Variants in RAPGEF6 observed in about 807,000 individuals in gnomAD.
RAPGEF6 encodes the protein PDZ domain containing guanine nucleotide exchange factor (GEF) 2.
A neutral mutation model predicts 171.4 loss-of-function variants in RAPGEF6; 56 were observed. The ratio of observed to expected loss-of-function variants is 0.33; its 90% CI spans 0.26 to 0.41. The LOEUF is 0.41. Among genes scored for constraint, RAPGEF6 ranks in the 10% least tolerant of loss-of-function variants. The pLI is 1.00. For missense variants in RAPGEF6, 1,674 were observed against 1,921.4 expected, an observed-to-expected ratio of 0.87 and a Z score of 2.41; for synonymous variants, 692 against 650.1, an observed-to-expected ratio of 1.06 and a Z score of -0.98.
chr5:131,581,146 G>A (rs765720609), intron 4 of RAPGEF6, among the ~76,000 whole-genome samples: 37 of 152,154 alleles, frequency 2.4e-4, no homozygotes, highest in Non-Finnish European at 4.1e-4. Flanking sequence ...CTCTTTAGCC[G>A]CAGCTGTCCT....
At position 131,511,736 on chromosome 5, in the gene RAPGEF6, T is replaced by A. The variant is rs1339434048; in HGVS notation, c.628-1245A>T. ...GGCTAGTCTTGAACTCCTGGGCTCA[T>A]GTGATCCACCCACCTTGGCCTCCCA... On this transcript the variant is annotated intron_variant, in intron 7 of 27. Coordinates refer to ENST00000509018, the MANE Select transcript of RAPGEF6 (RefSeq NM_016340.6). Among the ~76,000 whole-genome samples the A allele has an allele frequency of 2.0e-5, 3 of 152,084 alleles. No homozygotes were observed. The East Asian group carries it at 5.8e-4, about 29-fold the overall frequency.
intron 1 of RAPGEF6, among the ~76,000 whole-genome samples, chr5:131,629,396 T>G (rs577698646): frequency 3.0e-4 from 46 of 152,008 alleles, no homozygotes; most frequent in Non-Finnish European, 5.3e-4. Flanking sequence ...GAATCCAACC[T>G]TTATGAATGA....
At chr5:131,618,808 C>A (rs1232415740) in intron 1 of RAPGEF6, among the ~76,000 whole-genome samples, 2 of 151,832 alleles carry the variant, frequency 1.3e-5, no homozygotes, top group South Asian at 4.1e-4. Context: ...TAGCATTGTA[C>A]CTTTAAAACA....
At chr5:131,573,710 G>T (rs1356656411) in intron 4 of RAPGEF6, among the ~76,000 whole-genome samples, 1 of 151,956 alleles carries the variant, frequency 6.6e-6, no homozygotes, top group African/African-American at 2.4e-5. Flanking sequence ...GCTCAAAAAG[G>T]CAGCATACAA....
In RAPGEF6 at chr5:131,431,267, T is replaced by C. The variant is rs7717835; in HGVS notation, c.4057A>G (p.Ile1353Val). Residue 1353 changes from isoleucine to valine, a missense_variant, in exon 26 of 28, where the codon ATC (isoleucine) becomes GTC (valine). Ile to Val is a conservative substitution (Grantham distance 29). Coordinates refer to ENST00000509018, the MANE Select transcript of RAPGEF6 (RefSeq NM_016340.6). ...CCACTGTCAGCTGCTTCTATAATGA[T>C]ATGCTCTTGAGAAATCTCTTCATTG... is the stretch of plus-strand genomic sequence containing the variant. ...VSNEEISQEH[I>V]IIEAADSGRG... 1,559 of 1,614,212 alleles carry C rather than the reference T, an allele frequency of 9.7e-4. 14 individuals carry two copies. In the African/African-American group the frequency reaches 0.018, roughly 18 times the overall value.
chr5:131,502,267 A>G (rs1158758180), intron 11 of RAPGEF6, among the ~76,000 whole-genome samples: 1 of 152,238 alleles, frequency 6.6e-6, no homozygotes, highest in African/African-American at 2.4e-5. Flanking sequence ...ACCATTTCAG[A>G]CAAGAATAGT....
rs150798418 is a variant in RAPGEF6, at chr5:131,603,211, C to T, written c.197+60G>A. ...TCCCAGAATCAAATGAATTTCAATGCTAAGAGTTAAAATTTAAACATAAAA... is the reference window on the plus strand; with the variant it reads ...TCCCAGAATCAAATGAATTTCAATGTTAAGAGTTAAAATTTAAACATAAAA... On this transcript the variant is annotated intron_variant, in intron 3 of 27. Transcript: ENST00000509018. 4.3e-4 allele frequency: 522 copies of T among 1,212,840 alleles called. 1 individual carries two copies. Among genetic ancestry groups the T allele is most frequent in the Middle Eastern group, 1.2e-3 (6 of 5,098 alleles). 75.1% of individuals were successfully genotyped at this position (1,212,840 alleles called of 1,614,324 possible).
intron 1 of RAPGEF6, among the ~76,000 whole-genome samples, chr5:131,616,757 C>T (rs1243312870): frequency 6.6e-6 from 1 of 151,838 alleles, no homozygotes; most frequent in African/African-American, 2.4e-5. Context: ...CTGAGACTCT[C>T]GAGTGTGCCA....
intron 2 of RAPGEF6, among the ~76,000 whole-genome samples, chr5:131,604,076 A>G (rs1580661278): frequency 6.6e-6 from 1 of 152,030 alleles, no homozygotes; most frequent in East Asian, 1.9e-4. Context: ...AAGGTTCAGA[A>G]AGTTTATGGG....
chr5:131,523,873 G>C (rs1758681979), intron 6 of RAPGEF6, among the ~76,000 whole-genome samples: 1 of 152,024 alleles, frequency 6.6e-6, no homozygotes, highest in South Asian at 2.1e-4. Flanking sequence ...CATGTGGCAG[G>C]GGGTGAGGTG....
intron 17 of RAPGEF6, among the ~76,000 whole-genome samples, chr5:131,467,711 A>G (rs892650650): frequency 6.6e-6 from 1 of 152,226 alleles, no homozygotes; most frequent in African/African-American, 2.4e-5. Context: ...ATACAGTACA[A>G]TTTTAAAGGC....
At chr5:131,565,068 G>A (rs1355220629) in intron 4 of RAPGEF6, among the ~76,000 whole-genome samples, 1 of 151,810 alleles carries the variant, frequency 6.6e-6, no homozygotes, top group Non-Finnish European at 1.5e-5. Context: ...ATTAGCTGGG[G>A]GCACTAATAT....
intron 5 of RAPGEF6, among the ~76,000 whole-genome samples, chr5:131,549,408 C>T (rs1760766843): frequency 6.6e-6 from 1 of 152,142 alleles, no homozygotes; most frequent in South Asian, 2.1e-4. Flanking sequence ...ATGATCCCCA[C>T]TAGATGCCTG....
intron 25 of RAPGEF6, among the ~76,000 whole-genome samples, chr5:131,432,245 C>A (rs576178988): frequency 3.3e-5 from 5 of 152,278 alleles, no homozygotes; most frequent in Admixed American, 2.6e-4. Context: ...AGTTTGTAAA[C>A]CCCTCATTTA....
chr5:131,467,904 G>A (rs1283353880), intron 17 of RAPGEF6, among the ~76,000 whole-genome samples: 2 of 151,582 alleles, frequency 1.3e-5, no homozygotes, highest in Non-Finnish European at 2.9e-5. Flanking sequence ...GGTGGTGTGT[G>A]CCTATAGGCC....
intron 11 of RAPGEF6, among the ~76,000 whole-genome samples, chr5:131,503,885 T>G (rs1757182791): frequency 6.6e-6 from 1 of 152,148 alleles, no homozygotes; most frequent in African/African-American, 2.4e-5. Context: ...CATATCCAGA[T>G]AAGAAAAGTG....
intron 14 of RAPGEF6, 51 bp downstream of exon 14, chr5:131,492,531 G>A: frequency 6.5e-7 from 1 of 1,540,290 alleles, no homozygotes; most frequent in South Asian, 1.1e-5. Context: ...AAAGCAGCAG[G>A]CATAATACTT....
chr5:131,438,234 C>T (rs914695330), intron 24 of RAPGEF6, among the ~76,000 whole-genome samples: 2 of 152,166 alleles, frequency 1.3e-5, no homozygotes, highest in Admixed American at 6.5e-5. Context: ...AGGCGATCCG[C>T]CTGCTTTGGC....
At chr5:131,618,442 G>A (rs925017257) in intron 1 of RAPGEF6, among the ~76,000 whole-genome samples, 5 of 151,942 alleles carry the variant, frequency 3.3e-5, no homozygotes, top group Non-Finnish European at 7.4e-5. Context: ...ACCAGCCCAG[G>A]CAACACAGTG....
Sources: allele counts gnomAD v4.1 joint callset (sites outside exome capture counted in the v4.1 genomes callset), GRCh38; gene constraint gnomAD v4.1.1; transcripts MANE v1.5; gene names NCBI Gene and HGNC (gene_info 2026-07-23, HGNC 2026-07-21).